Variants in ASPSCR1 observed in about 807,000 individuals in gnomAD.
ASPSCR1 encodes the protein ASPSCR1 tether for SLC2A4, UBX domain containing.
A neutral mutation model predicts 68.9 loss-of-function variants in ASPSCR1; 55 were observed. The ratio of observed to expected loss-of-function variants is 0.80; its 90% CI spans 0.64 to 1.00. ASPSCR1 has a LOEUF of 1.00. Ranked by LOEUF, ASPSCR1 falls within the 50% of genes least tolerant of loss-of-function variation. ASPSCR1 has a pLI of 0.00. For missense variants in ASPSCR1, 765 were observed against 762.2 expected (o/e 1.00, Z -0.04); for synonymous variants, 352 against 332.6 (o/e 1.06, Z -0.63).
Position 81,985,370 on chromosome 17 carries a change from T to C in ASPSCR1, c.274-137T>C. 6 of 831,358 alleles carry C rather than the reference T, an allele frequency of 7.2e-6. No individual in the cohort carries two copies. The South Asian group carries it at 1.0e-4, about 14-fold the overall frequency. 51.5% of individuals were successfully genotyped at this position (831,358 alleles called of 1,614,324 possible). On this transcript the variant is annotated intron_variant, in intron 3 of 15. Transcript: ENST00000306739. The stretch of plus-strand genomic sequence containing the variant: ...TCCAGAGTGAATAGGAGGGTAGCCT[T>C]CTCCGTGGGGGTCAGCCTCTCCCTG...
intron 2 of ASPSCR1, among the ~76,000 whole-genome samples, chr17:81,982,003 C>T (rs183471512): frequency 1.8e-3 from 281 of 152,038 alleles, no homozygotes; most frequent in Non-Finnish European, 3.5e-3. Flanking sequence ...GAGTCTCGCT[C>T]TGTCGCCCAG....
Position 82,010,361 on chromosome 17 carries a change from C to G in ASPSCR1, c.1171-441C>G, listed in dbSNP as rs554470763. Among the ~76,000 whole-genome samples the G allele has an allele frequency of 3.9e-3, 598 of 151,496 alleles. 8 individuals carry two copies. Among genetic ancestry groups the G allele is most frequent in the Admixed American group, 0.034 (516 of 15,258 alleles). On this transcript the variant is annotated intron_variant, in intron 9 of 15. Coordinates refer to ENST00000306739, the MANE Select transcript of ASPSCR1 (RefSeq NM_024083.4). ...TGGCTGACACGGTGAAACCCCATCTCTACTAAAAATACAAAAAATTAGTCA... is the reference window on the plus strand; with the variant it reads ...TGGCTGACACGGTGAAACCCCATCTGTACTAAAAATACAAAAAATTAGTCA...
rs556757625 is a variant in ASPSCR1 at position 81,983,492 on chromosome 17, C to T, written c.159-62C>T. The T allele has an allele frequency of 1.2e-3, 1,645 of 1,355,178 alleles. 4 individuals are homozygous for T. Among genetic ancestry groups the T allele is most frequent in the Middle Eastern group, 3.8e-3 (21 of 5,528 alleles). The allele number at this position is 1,355,178 out of a possible 1,614,324, so 83.9% of individuals were successfully genotyped here. ...GGATGGTGGGACGGGGATGGCGGGG[C>T]GTGGATGGCAGGGCGTGTCAGGCTC... is the stretch of plus-strand genomic sequence containing the variant. On this transcript the variant is annotated intron_variant, in intron 2 of 15. Coordinates refer to ENST00000306739, the MANE Select transcript of ASPSCR1 (RefSeq NM_024083.4). This position sits in a 1 kb window ranked among gnomAD's most constrained non-coding sequence, Gnocchi z 4.4.
chr17:82,009,186 T>C lies in ASPSCR1; in HGVS notation c.1083T>C (p.Ser361=). The C allele has an allele frequency of 6.2e-7, 1 of 1,604,140 alleles. No homozygotes were observed. The highest frequency in any genetic ancestry group is 8.5e-7 in the Non-Finnish European group (1 of 1,174,976). ...GAAGACGCTTGGCCCAGCTCAAGAG[T>C]GAGCGGTGGGTGCCCCCTCAGTGCC... ...DVRRRLAQLK[S]ERKRLEEAPL... The change falls in exon 8 of 16, where the codon AGT becomes AGC. Residue 361 remains serine (S), a synonymous_variant. Coordinates refer to ENST00000306739, the MANE Select transcript of ASPSCR1 (RefSeq NM_024083.4).
intron 7 of ASPSCR1, chr17:82,005,281 G>A (rs984760415): frequency 1.3e-5 from 2 of 152,272 alleles, no homozygotes; most frequent in African/African-American, 4.8e-5. Flanking sequence ...CGCGTGAAGT[G>A]GGCATCAGTT....
chr17:82,016,892 G>T lies in ASPSCR1; in HGVS notation c.1475+23G>T, dbSNP rs2043148021. 3.1e-6 allele frequency: 5 copies of T among 1,612,304 alleles called. No individual in the cohort carries two copies. The East Asian group carries it at 8.9e-5, about 29-fold the overall frequency. On this transcript the variant is annotated intron_variant, in intron 14 of 15. Transcript: ENST00000306739. ...CAGGTAAGTGCCGGTGGGTCTGGGGGCACCTCCCGTGGCGGCACTCACCAC... is the reference window on the plus strand; with the variant it reads ...CAGGTAAGTGCCGGTGGGTCTGGGGTCACCTCCCGTGGCGGCACTCACCAC...
chr17:82,010,662 A>T, intron 9 of ASPSCR1, 140 bp from the exon 10 acceptor site: 2 of 834,434 alleles, frequency 2.4e-6, no homozygotes, highest in Non-Finnish European at 3.9e-6. Flanking sequence ...GTCAAAGCCC[A>T]GGCCCTGATT....
chr17:81,995,256 T>G, intron 5 of ASPSCR1: 6 of 317,378 alleles, frequency 1.9e-5, no homozygotes, highest in Non-Finnish European at 2.9e-5. Flanking sequence ...GCCTTTTGTT[T>G]CCACGCTGGC....
In ASPSCR1 at chr17:82,017,369, C is replaced by T; in HGVS notation, c.*47C>T. 2 of 1,611,848 alleles carry T rather than the reference C, an allele frequency of 1.2e-6. No individual in the cohort carries two copies. Among genetic ancestry groups the T allele is most frequent in the Non-Finnish European group, 1.7e-6 (2 of 1,179,606 alleles). On this transcript the variant is annotated 3_prime_UTR_variant, in exon 16 of 16. Transcript: ENST00000306739. ...CACTCCGCCAGCCACAGGACCACCT[C>T]CTCTGCCAGCAGGAATAAAGACTTG...
At chr17:81,995,376 G>A (rs113920236) in intron 5 of ASPSCR1, 12 of 240,366 alleles carry the variant, frequency 5.0e-5, no homozygotes, top group East Asian at 3.5e-4. Context: ...GGGCTGTGAC[G>A]GGGAGGTTCA....
At chr17:81,996,181 C>G (rs2042331075) in intron 6 of ASPSCR1, 116 bp downstream of exon 6, 1 of 1,352,588 alleles carries the variant, frequency 7.4e-7, no homozygotes. Context: ...AGGCCCTCAT[C>G]ATGGAGAGCG....
chr17:82,009,036 G>C lies in ASPSCR1; in HGVS notation c.934-1G>C. Reference sequence around the variant, plus strand: ...CCGTCAGCCGCGCCCTCTGCCTCCAGCCCGTGGACCGGGAGCCCGTGGACC... The same window carrying C: ...CCGTCAGCCGCGCCCTCTGCCTCCACCCCGTGGACCGGGAGCCCGTGGACC... On this transcript the variant is annotated splice_acceptor_variant, in intron 7 of 15. Coordinates refer to ENST00000306739, the MANE Select transcript of ASPSCR1 (RefSeq NM_024083.4). LOFTEE classifies it high-confidence loss of function. 6.5e-7 allele frequency: 1 copy of C among 1,532,022 alleles called. No individual in the cohort carries two copies. Among genetic ancestry groups the C allele is most frequent in the Non-Finnish European group, 8.8e-7 (1 of 1,138,582 alleles). The allele number at this position is 1,532,022 out of a possible 1,614,324, so 94.9% of individuals were successfully genotyped here.
chr17:82,013,441 C>T (rs1315270333), intron 12 of ASPSCR1: 1 of 152,334 alleles, frequency 6.6e-6, no homozygotes, highest in Non-Finnish European at 1.5e-5. Flanking sequence ...CAGCTCGGCT[C>T]TAGCCTCGGG....
chr17:81,978,604 A>G, intron 1 of ASPSCR1: 1 of 152,202 alleles, frequency 6.6e-6, no homozygotes, highest in Non-Finnish European at 1.5e-5. Context: ...CACGACTCGG[A>G]GTTTGCGGGA....
Position 81,990,589 on chromosome 17 carries a change from G to A in ASPSCR1, c.375-4232G>A, listed in dbSNP as rs530314250. ...GGATCTTCCACGCCGAGCTCTGGGG[G>A]ACACTGCTCTCTGCCTGCCTGGTGG... On this transcript the variant is annotated intron_variant, in intron 4 of 15. Transcript: ENST00000306739. The surrounding 1 kb of genome is among the most constrained non-coding windows in gnomAD (Gnocchi z 4.1). Among the ~76,000 whole-genome samples, 206 of 152,042 alleles carry A rather than the reference G, an allele frequency of 1.4e-3. 1 individual carries two copies. The highest frequency in any genetic ancestry group is 4.8e-3 in the African/African-American group (199 of 41,448).
intron 5 of ASPSCR1, 199 bp downstream of exon 5, chr17:81,995,077 G>A (rs1281574419): frequency 1.8e-6 from 1 of 558,564 alleles, no homozygotes; most frequent in Admixed American, 3.6e-5. Context: ...TCGGCGCCCT[G>A]TTTGTTTTTT....
At chr17:81,994,653 G>A (rs937630841) in intron 4 of ASPSCR1, among the ~76,000 whole-genome samples, 168 bp from the exon 5 acceptor site, 21 of 152,234 alleles carry the variant, frequency 1.4e-4, no homozygotes, top group African/African-American at 4.8e-4. Flanking sequence ...GTTGTGGGGC[G>A]CAGTGGGGCT....
intron 7 of ASPSCR1, among the ~76,000 whole-genome samples, chr17:82,000,291 G>T (rs947045565): frequency 1.6e-4 from 24 of 152,246 alleles, no homozygotes; most frequent in African/African-American, 5.8e-4. Flanking sequence ...GCCCGCCCGT[G>T]CTCGCCCGTC....
At chr17:81,996,206 C>A in intron 6 of ASPSCR1, 141 bp downstream of exon 6, 1 of 1,334,072 alleles carries the variant, frequency 7.5e-7, no homozygotes, top group South Asian at 1.5e-5. Context: ...GTGGCCTCTG[C>A]CTGCCTGTGG....
Sources: allele counts gnomAD v4.1 joint callset (sites outside exome capture counted in the v4.1 genomes callset), GRCh38; gene constraint gnomAD v4.1.1; non-coding constraint Gnocchi (gnomAD v3.1); transcripts MANE v1.5; gene names NCBI Gene and HGNC (gene_info 2026-07-23, HGNC 2026-07-21).